The following TNFRSF8 variants were observed in gnomAD, a reference collection of about 807,000 sequenced individuals.
The protein encoded by TNFRSF8 is tumor necrosis factor receptor superfamily member 8.
TNFRSF8 carries 26 observed loss-of-function variants against 70.8 expected under a neutral mutation model. The ratio of observed to expected loss-of-function variants is 0.37; its 90% confidence interval spans 0.27 to 0.51. TNFRSF8 has a LOEUF of 0.51. Ranked by LOEUF, TNFRSF8 falls within the 20% of genes least tolerant of loss-of-function variation. The pLI is 0.94. For synonymous variants in TNFRSF8, 356 were observed against 339.2 expected, an observed-to-expected ratio of 1.05 and a Z score of -0.54; for missense variants, 720 against 807.9, an observed-to-expected ratio of 0.89 and a Z score of 1.32.
intron 1 of TNFRSF8, chr1:12,080,324 CCAT>C: frequency 1.9e-6 from 1 of 524,280 alleles, no homozygotes; most frequent in Admixed American, 1.9e-5. Context: ...CTTCTTCTCT[CCAT>C]CCGGCCGAAT....
Position 12,138,220 on chromosome 1 carries a change from G to T in TNFRSF8, c.1336-9G>T, listed in dbSNP as rs759245638. 9.3e-6 allele frequency: 15 copies of T among 1,612,738 alleles called. No individual in the cohort carries two copies. The East Asian group carries it at 3.3e-4, about 36-fold the overall frequency. Reference sequence around the variant, plus strand: ...GTACCCTGCAGCAGCACCCATTCCCGTCCCACAGCAGCTGAGGAGTGGTGC... The same window carrying T: ...GTACCCTGCAGCAGCACCCATTCCCTTCCCACAGCAGCTGAGGAGTGGTGC... On this transcript the variant is annotated splice_polypyrimidine_tract_variant and intron_variant, in intron 13 of 14. Coordinates refer to ENST00000263932, the MANE Select transcript of TNFRSF8 (RefSeq NM_001243.5). This position sits in a 1 kb window ranked among gnomAD's most constrained non-coding sequence, Gnocchi z 5.7.
intron 2 of TNFRSF8, among the ~76,000 whole-genome samples, chr1:12,096,206 A>G (rs1641327143): frequency 6.6e-6 from 1 of 151,954 alleles, no homozygotes; most frequent in Non-Finnish European, 1.5e-5. Flanking sequence ...AAGTATTCTG[A>G]TTGGCCTGCT....
rs1034370622 is a variant in TNFRSF8 at position 12,138,952 on chromosome 1, T to C, written c.1543+516T>C. On this transcript the variant is annotated intron_variant, in intron 14 of 14. Coordinates refer to ENST00000263932, the MANE Select transcript of TNFRSF8 (RefSeq NM_001243.5). This position sits in a 1 kb window ranked among gnomAD's most constrained non-coding sequence, Gnocchi z 5.7. ...AACTCGTCCCGCATCTGCTGGGCCTTGAAGCCCGTGGTTTGTCCACGTTAC... is the reference window on the plus strand; with the variant it reads ...AACTCGTCCCGCATCTGCTGGGCCTCGAAGCCCGTGGTTTGTCCACGTTAC... 7.9e-5 allele frequency among the ~76,000 whole-genome samples: 12 copies of C among 152,196 alleles called. No homozygotes were observed. The highest frequency in any genetic ancestry group is 2.7e-4 in the African/African-American group (11 of 41,452).
At chr1:12,132,196 A>G (rs7517758) in intron 12 of TNFRSF8, among the ~76,000 whole-genome samples, 6,631 of 152,352 alleles carry the variant, frequency 0.044, 407 homozygotes, top group East Asian at 0.26. Flanking sequence ...ATCTTAAGCC[A>G]GCATCGTTCA....
chr1:12,105,573 T>TCACACACACACA (rs34007480), intron 4 of TNFRSF8, among the ~76,000 whole-genome samples: 5 of 147,364 alleles, frequency 3.4e-5, no homozygotes, highest in Admixed American at 6.8e-5. Flanking sequence ...TCTCTCTGTC[T>TCACACACACACA]CACACACACA....
At chr1:12,077,995 G>A (rs1640996368) in intron 1 of TNFRSF8, 3 of 152,146 alleles carry the variant, frequency 2.0e-5, no homozygotes, top group Non-Finnish European at 4.4e-5. Flanking sequence ...AAGACTTTGG[G>A]CTTTATTCAT....
intron 14 of TNFRSF8, among the ~76,000 whole-genome samples, chr1:12,140,235 C>T (rs1360246272): frequency 6.6e-6 from 1 of 152,156 alleles, no homozygotes; most frequent in Non-Finnish European, 1.5e-5. Context: ...CGGGGGCCAC[C>T]TCCGCCATGG....
intron 4 of TNFRSF8, among the ~76,000 whole-genome samples, chr1:12,105,345 C>T (rs1339029700): frequency 6.6e-6 from 1 of 152,178 alleles, no homozygotes; most frequent in Admixed American, 6.5e-5. Flanking sequence ...CCCATCGCTA[C>T]CACTGCCTGC....
chr1:12,077,157 C>G (rs1640980324), intron 1 of TNFRSF8, among the ~76,000 whole-genome samples: 1 of 152,062 alleles, frequency 6.6e-6, no homozygotes, highest in African/African-American at 2.4e-5. Flanking sequence ...CTCCTGAGCT[C>G]AAGTGATCCT....
intron 13 of TNFRSF8, among the ~76,000 whole-genome samples, chr1:12,137,513 A>G (rs1642167868): frequency 6.6e-6 from 1 of 150,714 alleles, no homozygotes; most frequent in South Asian, 2.1e-4. Flanking sequence ...TCAAAAACTA[A>G]ACTGACACTT....
chr1:12,077,829 A>G (rs1640992250), intron 1 of TNFRSF8: 1 of 149,322 alleles, frequency 6.7e-6, no homozygotes, highest in Non-Finnish European at 1.5e-5. Flanking sequence ...ACAGGCAGGC[A>G]AGGAGGGCAG....
At chr1:12,129,791 G>C (rs555978475) in intron 12 of TNFRSF8, among the ~76,000 whole-genome samples, 4 of 152,290 alleles carry the variant, frequency 2.6e-5, no homozygotes, top group Admixed American at 6.5e-5. Context: ...ATGTCCTGCC[G>C]GGCCTCTCCA....
intron 3 of TNFRSF8, among the ~76,000 whole-genome samples, chr1:12,102,486 T>A (rs1570028917): frequency 1.3e-5 from 2 of 152,334 alleles, no homozygotes; most frequent in Middle Eastern, 6.8e-3. Flanking sequence ...TCTCCAGGCC[T>A]GTTACACATT....
At chr1:12,098,171 C>T (rs1641362998) in intron 3 of TNFRSF8, among the ~76,000 whole-genome samples, 1 of 152,124 alleles carries the variant, frequency 6.6e-6, no homozygotes, top group South Asian at 2.1e-4. Context: ...CTTAATTTCA[C>T]ATTTGTTTGG....
chr1:12,083,294 C>T (rs1641097253), intron 1 of TNFRSF8, among the ~76,000 whole-genome samples: 3 of 152,184 alleles, frequency 2.0e-5, no homozygotes, highest in African/African-American at 7.2e-5. Context: ...CAGTTCCACT[C>T]CTAGGTATAT....
At chr1:12,103,632 G>C (rs1392661386) in intron 3 of TNFRSF8, among the ~76,000 whole-genome samples, 1 of 151,362 alleles carries the variant, frequency 6.6e-6, no homozygotes, top group African/African-American at 2.4e-5. Context: ...ACCATGCCTG[G>C]CTAATTTTTG....
chr1:12,109,623 G>T lies in TNFRSF8; in HGVS notation c.479G>T (p.Cys160Phe), dbSNP rs539227680. Residue 160 changes from cysteine (C) to phenylalanine (F), a missense_variant, in exon 5 of 15, where the codon TGT becomes TTT. Cys to Phe is a radical substitution (Grantham distance 205, BLOSUM62 -2). Coordinates refer to ENST00000263932, the MANE Select transcript of TNFRSF8 (RefSeq NM_001243.5). This position sits in a 1 kb window ranked among gnomAD's most constrained non-coding sequence, Gnocchi z 4.4. ...GCTTCCCCAGGGGTCAGCCCTGCCT[G>T]TGCCAGCCCAGAGAACTGCAAGGAA... ...EPASPGVSPA[C>F]ASPENCKEPS... is the part of the protein sequence containing the mutation. 2.5e-6 allele frequency: 4 copies of T among 1,613,712 alleles called. No homozygotes were observed. In the African/African-American group the frequency reaches 5.3e-5, roughly 22 times the overall value.
At chr1:12,124,333 G>A (rs550675820) in intron 10 of TNFRSF8, among the ~76,000 whole-genome samples, 24 of 152,278 alleles carry the variant, frequency 1.6e-4, no homozygotes, top group African/African-American at 5.8e-4. Context: ...TTTAATTCTT[G>A]TAGGCAGGAA....
chr1:12,112,134 A>T lies in TNFRSF8; in HGVS notation c.793+120A>T, dbSNP rs1043065627. 4.5e-6 allele frequency: 3 copies of T among 664,328 alleles called. No homozygotes were observed. Among genetic ancestry groups the T allele is most frequent in the Non-Finnish European group, 7.8e-6 (3 of 385,254 alleles). 41.2% of individuals were successfully genotyped at this position (664,328 alleles called of 1,614,324 possible). ...TTTGATGGGGGTCGCCTCTTTTCAG[A>T]GGGCTTCCATTGGCATATTATTTCC... On this transcript the variant is annotated intron_variant, in intron 7 of 14. Transcript: ENST00000263932. This position sits in a 1 kb window ranked among gnomAD's most constrained non-coding sequence, Gnocchi z 5.3.
Sources: gnomAD v4.1 joint callset for allele counts (sites outside exome capture counted in the v4.1 genomes callset) on GRCh38, gnomAD v4.1.1 for gene constraint, Gnocchi (gnomAD v3.1) non-coding constraint, MANE v1.5 for transcripts, NCBI Gene and HGNC (gene_info 2026-07-23, HGNC 2026-07-21) for gene names.